The following DNAH7 variants were observed in gnomAD, a reference collection of about 807,000 sequenced individuals.
DNAH7 encodes the protein dynein axonemal heavy chain 7.
Under a neutral mutation model 444.6 loss-of-function variants are expected in DNAH7, and 397 were observed. That is an observed-to-expected ratio of 0.89 (90% CI 0.82 to 0.97). DNAH7 has a LOEUF of 0.97. DNAH7 is among the 50% of genes least tolerant of loss of function. The probability of loss-of-function intolerance (pLI) is 0.00; values close to 1 mark genes in which losing one functional copy is unlikely to be tolerated. For synonymous variants in DNAH7, 1,636 were observed against 1,624.4 expected (o/e 1.01, Z -0.17); for missense variants, 4,902 against 4,800.8 (o/e 1.02, Z -0.62).
At chr2:196,055,883 G>A (rs1697770139) in intron 2 of DNAH7, among the ~76,000 whole-genome samples, 1 of 152,204 alleles carries the variant, frequency 6.6e-6, no homozygotes, top group South Asian at 2.1e-4. Context: ...CATCCATGCT[G>A]TTGCTGAGCT....
chr2:195,738,047 C>A lies in DNAH7; in HGVS notation c.11949G>T (p.Arg3983=). The change falls in exon 65 of 65, where the codon CGG becomes CGT. Residue 3983 remains arginine (R), a synonymous_variant. Coordinates refer to ENST00000312428, the MANE Select transcript of DNAH7 (RefSeq NM_018897.3). The part of the protein sequence containing the change: ...YVAPLYKTSE[R]RGVLSTTGHS... ...GGCCAGTGGTGGATAATACTCCTCT[C>A]CGCTCACTTGTCTTATACAATGGAG... 3 of 1,614,016 alleles carry A rather than the reference C, an allele frequency of 1.9e-6. No individual in the cohort carries two copies. The highest frequency in any genetic ancestry group is 1.1e-5 in the South Asian group (1 of 91,078).
rs757448426 is a variant in DNAH7, at chr2:196,001,898, G to A, written c.990-40C>T. On this transcript the variant is annotated intron_variant, in intron 10 of 64. Coordinates refer to ENST00000312428, the MANE Select transcript of DNAH7 (RefSeq NM_018897.3). Reference sequence around the variant, plus strand: ...AGACTTTTAAAAGTCAGTGCTTTCAGTGAATTACTCCTTTTATATTAAGCA... The same window carrying A: ...AGACTTTTAAAAGTCAGTGCTTTCAATGAATTACTCCTTTTATATTAAGCA... The A allele has an allele frequency of 2.7e-5, 40 of 1,507,410 alleles. 1 individual carries two copies. The East Asian group carries it at 5.7e-4, about 22-fold the overall frequency. The allele number at this position is 1,507,410 out of a possible 1,614,324, so 93.4% of individuals were successfully genotyped here.
intron 15 of DNAH7, among the ~76,000 whole-genome samples, chr2:195,976,150 C>A (rs768491715): frequency 5.3e-5 from 8 of 151,808 alleles, no homozygotes; most frequent in Non-Finnish European, 1.0e-4. Flanking sequence ...CAGGCCTTGG[C>A]TGTTAGGAGG....
intron 63 of DNAH7, 176 bp from the exon 64 acceptor site, chr2:195,741,045 T>C (rs914968368): frequency 5.2e-5 from 16 of 307,298 alleles, no homozygotes; most frequent in African/African-American, 1.1e-4. Flanking sequence ...TTCAAGAACA[T>C]TGAAACTTTG....
chr2:195,888,336 AAC>A lies in DNAH7; in HGVS notation c.5326_5327del (p.Val1776TyrfsTer11). 6.2e-7 allele frequency: 1 copy of A among 1,611,036 alleles called. No homozygotes were observed. Among genetic ancestry groups the A allele is most frequent in the Non-Finnish European group, 8.5e-7 (1 of 1,179,030 alleles). ...WVNLLPASVS[V>X]IQKEFIMGLF... is the part of the protein sequence containing the mutation. The stretch of plus-strand genomic sequence containing the variant: ...AGCCCATTATGAATTCCTTTTGAAT[AAC>A]ACTGACTGACGCAGGTAACAGATTC... On this transcript the variant is annotated frameshift_variant, in exon 33 of 65. Coordinates refer to ENST00000312428, the MANE Select transcript of DNAH7 (RefSeq NM_018897.3). LOFTEE classifies it high-confidence loss of function.
At chr2:195,855,698 G>T (rs1314866115) in intron 45 of DNAH7, 113 bp downstream of exon 45, 2 of 1,187,236 alleles carry the variant, frequency 1.7e-6, no homozygotes, top group African/African-American at 1.5e-5. Context: ...GTCATAGTTT[G>T]CCAATCCCTG....
chr2:195,833,710 A>G (rs1698182981), intron 48 of DNAH7, among the ~76,000 whole-genome samples: 1 of 152,180 alleles, frequency 6.6e-6, no homozygotes, highest in African/African-American at 2.4e-5. Context: ...GATGGCAGAT[A>G]ATAACCAGGC....
At chr2:196,000,948 C>T (rs1045339146) in intron 11 of DNAH7, 65 bp from the exon 12 acceptor site, 3 of 1,312,918 alleles carry the variant, frequency 2.3e-6, no homozygotes, top group African/African-American at 1.5e-5. Context: ...AAGTAGTACA[C>T]CAGTCCCAAT....
chr2:195,761,259 A>G (rs1694336143), intron 61 of DNAH7, among the ~76,000 whole-genome samples: 1 of 152,110 alleles, frequency 6.6e-6, no homozygotes, highest in Non-Finnish European at 1.5e-5. Flanking sequence ...GAAACTAGTT[A>G]GCTAGAAGAC....
rs1693033810 is a variant in DNAH7, at chr2:195,987,931, A to G, written c.1626+26T>C. On this transcript the variant is annotated intron_variant, in intron 13 of 64. Transcript: ENST00000312428. Reference sequence around the variant, plus strand: ...GGAAAAGATACCAGATAGAGATAACAGTTGCACAAAACTGGAGTCATTTAC... The same window carrying G: ...GGAAAAGATACCAGATAGAGATAACGGTTGCACAAAACTGGAGTCATTTAC... 4 of 1,564,106 alleles carry G rather than the reference A, an allele frequency of 2.6e-6. No homozygotes were observed. In the Admixed American group the frequency reaches 5.5e-5, roughly 22 times the overall value.
At chr2:195,953,096 T>G (rs571321709) in intron 19 of DNAH7, among the ~76,000 whole-genome samples, 10 of 152,308 alleles carry the variant, frequency 6.6e-5, no homozygotes, top group African/African-American at 2.2e-4. Flanking sequence ...TTGATGCTGG[T>G]GACCTTCGGA....
intron 5 of DNAH7, among the ~76,000 whole-genome samples, chr2:196,041,859 CAAAT>C (rs1298626019): frequency 6.6e-6 from 1 of 151,174 alleles, no homozygotes; most frequent in African/African-American, 2.4e-5. Context: ...AACTCAACAA[CAAAT>C]AATAATAATA....
chr2:195,838,070 A>G (rs1439867947), intron 47 of DNAH7, among the ~76,000 whole-genome samples: 1 of 152,190 alleles, frequency 6.6e-6, no homozygotes, highest in Non-Finnish European at 1.5e-5. Context: ...TTTAAACAAT[A>G]TCATAAATCC....
chr2:196,007,819 C>T (rs753197618), intron 10 of DNAH7, among the ~76,000 whole-genome samples: 4 of 152,126 alleles, frequency 2.6e-5, no homozygotes, highest in Non-Finnish European at 4.4e-5. Flanking sequence ...TGAGCCAATT[C>T]AACCTCTTTC....
chr2:195,957,346 T>A lies in DNAH7; in HGVS notation c.2993A>T (p.Asp998Val), dbSNP rs1184973128. ...TTCCTCAGGCATTTGAGACATAATG[T>A]CTGGAGAGCTGAAAATGGGCTCCAG... is the stretch of plus-strand genomic sequence containing the variant. ...LYLEPIFSSP[D>V]IMSQMPEEGR... Residue 998 changes from aspartate to valine, a missense_variant, in exon 19 of 65, where the codon GAC becomes GTC. Transcript: ENST00000312428. 2 of 1,608,532 alleles carry A rather than the reference T, an allele frequency of 1.2e-6. No homozygotes were observed. Among genetic ancestry groups the A allele is most frequent in the Non-Finnish European group, 1.7e-6 (2 of 1,176,236 alleles).
At chr2:196,063,468 GTTC>G (rs1265955092) in intron 1 of DNAH7, 2 of 152,220 alleles carry the variant, frequency 1.3e-5, no homozygotes, top group African/African-American at 4.8e-5. Context: ...GAAGCATTGA[GTTC>G]TTCTACTATT....
intron 63 of DNAH7, among the ~76,000 whole-genome samples, chr2:195,749,394 C>G (rs552510015): frequency 0.061 from 9,255 of 151,638 alleles, 387 homozygotes; most frequent in African/African-American, 0.12. Context: ...GGACTGTAAA[C>G]TAGTTCAACC....
At chr2:195,959,798 C>G (rs554380903) in intron 18 of DNAH7, among the ~76,000 whole-genome samples, 1 of 152,128 alleles carries the variant, frequency 6.6e-6, no homozygotes, top group African/African-American at 2.4e-5. Context: ...CTTGCCATCC[C>G]GCATGCATAT....
At chr2:195,815,367 G>C (rs1697173037) in intron 51 of DNAH7, among the ~76,000 whole-genome samples, 2 of 152,006 alleles carry the variant, frequency 1.3e-5, no homozygotes, top group South Asian at 4.1e-4. Flanking sequence ...TTTTGGCCAA[G>C]CTCAAAGTGT....
Sources: allele counts gnomAD v4.1 joint callset (sites outside exome capture counted in the v4.1 genomes callset), GRCh38; gene constraint gnomAD v4.1.1; transcripts MANE v1.5; gene names NCBI Gene and HGNC (gene_info 2026-07-23, HGNC 2026-07-21).